Variants in LRRC4C observed in about 807,000 individuals in gnomAD.
The protein encoded by LRRC4C is leucine-rich repeat-containing protein 4C.
LRRC4C carries 5 observed loss-of-function variants against 33.6 expected under a neutral mutation model. The ratio of observed to expected loss-of-function variants is 0.15; its 90% CI spans 0.08 to 0.31. The LOEUF (loss-of-function observed/expected upper bound fraction) is 0.31, where lower values mean the gene tolerates loss of function less well. LRRC4C is among the 10% of genes least tolerant of loss of function. The pLI, the probability that LRRC4C is intolerant of heterozygous loss-of-function variation, is 1.00. For synonymous variants in LRRC4C, 329 were observed against 302.0 expected (o/e 1.09, Z -0.93); for missense variants, 560 against 796.7 (o/e 0.70, Z 3.58).
intron 3 of LRRC4C, among the ~76,000 whole-genome samples, chr11:40,636,580 A>G (rs766400849): frequency 6.6e-6 from 1 of 152,174 alleles, no homozygotes; most frequent in Non-Finnish European, 1.5e-5. Flanking sequence ...GTTCTCATAA[A>G]TATCCCAAAT....
intron 1 of LRRC4C, among the ~76,000 whole-genome samples, chr11:41,053,544 T>C (rs559490443): frequency 6.6e-6 from 1 of 152,196 alleles, no homozygotes; most frequent in Non-Finnish European, 1.5e-5. Context: ...GGAATCCTGA[T>C]GTAGGGAAAC....
At chr11:40,413,575 A>G (rs1465988344) in intron 3 of LRRC4C, among the ~76,000 whole-genome samples, 1 of 152,144 alleles carries the variant, frequency 6.6e-6, no homozygotes, top group Non-Finnish European at 1.5e-5. Flanking sequence ...GGTGCTTCAT[A>G]TATTCTACCT....
chr11:41,379,997 C>A (rs1039940462), intron 1 of LRRC4C, among the ~76,000 whole-genome samples: 2 of 152,004 alleles, frequency 1.3e-5, no homozygotes, highest in Admixed American at 1.3e-4. Flanking sequence ...CACACACACA[C>A]TATTGTCCTC....
At chr11:40,404,121 C>G (rs1565355072) in intron 3 of LRRC4C, among the ~76,000 whole-genome samples, 1 of 152,114 alleles carries the variant, frequency 6.6e-6, no homozygotes, top group Non-Finnish European at 1.5e-5. Flanking sequence ...TCTTTCTGCT[C>G]TTGAATCTGC....
chr11:41,252,992 G>A (rs1282881144), intron 1 of LRRC4C, among the ~76,000 whole-genome samples: 1 of 152,068 alleles, frequency 6.6e-6, no homozygotes, highest in Non-Finnish European at 1.5e-5. Context: ...GACTTGGATG[G>A]GGACACAGCC....
At position 40,179,245 on chromosome 11, in the gene LRRC4C, C is replaced by T. The variant is rs1278941549; in HGVS notation, c.-95-38392G>A. ...ATCTCCAACTCCTGAGCTCAAGGATCCTCCCATCTCAACTTCTCAAATTGC... is the reference window on the plus strand; with the variant it reads ...ATCTCCAACTCCTGAGCTCAAGGATTCTCCCATCTCAACTTCTCAAATTGC... On this transcript the variant is annotated intron_variant, in intron 5 of 6. Transcript: ENST00000528697. Among the ~76,000 whole-genome samples, 5 of 151,994 alleles carry T rather than the reference C, an allele frequency of 3.3e-5. No homozygotes were observed. In the South Asian group the frequency reaches 1.0e-3, roughly 32 times the overall value.
At chr11:40,196,518 C>T (rs1283104027) in intron 5 of LRRC4C, among the ~76,000 whole-genome samples, 3 of 152,184 alleles carry the variant, frequency 2.0e-5, no homozygotes, top group African/African-American at 7.2e-5. Flanking sequence ...AACATTTTCC[C>T]ACCTTTCAAT....
At chr11:40,586,369 T>G in intron 3 of LRRC4C, among the ~76,000 whole-genome samples, 1 of 147,834 alleles carries the variant, frequency 6.8e-6, no homozygotes, top group East Asian at 2.0e-4. Context: ...AGATTCTGGA[T>G]ATTAGCCCTT....
intron 1 of LRRC4C, among the ~76,000 whole-genome samples, chr11:40,937,814 G>T (rs906589278): frequency 2.0e-5 from 3 of 151,864 alleles, no homozygotes; most frequent in Non-Finnish European, 2.9e-5. Context: ...GCTTTTTGTT[G>T]TTGTTGTTGT....
At chr11:41,057,990 C>T (rs952628267) in intron 1 of LRRC4C, among the ~76,000 whole-genome samples, 5 of 152,212 alleles carry the variant, frequency 3.3e-5, no homozygotes, top group African/African-American at 9.6e-5. Context: ...GGCTCCCCTT[C>T]ATCTTGCTCA....
At chr11:40,184,505 C>T (rs578131179) in intron 5 of LRRC4C, among the ~76,000 whole-genome samples, 101 of 152,138 alleles carry the variant, frequency 6.6e-4, no homozygotes, top group Admixed American at 1.6e-3. Context: ...TAAGGAAATA[C>T]CAACAAGTTA....
chr11:40,495,754 A>C (rs1253661949), intron 3 of LRRC4C, among the ~76,000 whole-genome samples: 1 of 150,318 alleles, frequency 6.7e-6, no homozygotes, highest in Non-Finnish European at 1.5e-5. Flanking sequence ...CTAATGGAAA[A>C]TAGTACTGGA....
chr11:40,509,594 C>T (rs901232839), intron 3 of LRRC4C, among the ~76,000 whole-genome samples: 54 of 151,604 alleles, frequency 3.6e-4, no homozygotes, highest in African/African-American at 1.3e-3. Context: ...TTCGGGACTG[C>T]CTTCTTTAGT....
intron 2 of LRRC4C, among the ~76,000 whole-genome samples, chr11:40,752,377 T>C (rs1948734433): frequency 6.6e-6 from 1 of 151,912 alleles, no homozygotes; most frequent in Non-Finnish European, 1.5e-5. Context: ...ATCCAGAATA[T>C]ACAAGGAGCT....
intron 2 of LRRC4C, among the ~76,000 whole-genome samples, chr11:40,706,939 T>C (rs1045955260): frequency 3.3e-4 from 51 of 152,314 alleles, no homozygotes; most frequent in South Asian, 4.1e-4. Flanking sequence ...CCCTTGTAAG[T>C]TGGATTCCTA....
At chr11:40,422,266 T>A (rs752417968) in intron 3 of LRRC4C, among the ~76,000 whole-genome samples, 1 of 152,144 alleles carries the variant, frequency 6.6e-6, no homozygotes, top group Non-Finnish European at 1.5e-5. Flanking sequence ...CCCTACGTAA[T>A]TGAAGAGACA....
Position 40,779,576 on chromosome 11 carries a change from G to T in LRRC4C, c.-406-131298C>A, listed in dbSNP as rs527632159. 3.2e-4 allele frequency among the ~76,000 whole-genome samples: 48 copies of T among 152,170 alleles called. 1 individual carries two copies. In the South Asian group the frequency reaches 9.3e-3, roughly 30 times the overall value. On this transcript the variant is annotated intron_variant, in intron 2 of 6. Transcript: ENST00000528697. ...TTAAAGGCACTATAGCTAATTAAAA[G>T]ACAGTTCAAATATTTCTATTTCTCT...
chr11:40,132,300 T>C (rs1024800239), intron 6 of LRRC4C, among the ~76,000 whole-genome samples: 12 of 152,300 alleles, frequency 7.9e-5, no homozygotes, highest in Non-Finnish European at 1.8e-4. Flanking sequence ...CTTGAGTAAA[T>C]TCCTCAAAAC....
intron 3 of LRRC4C, among the ~76,000 whole-genome samples, chr11:40,517,296 G>T (rs900519168): frequency 3.3e-5 from 5 of 152,132 alleles, no homozygotes; most frequent in African/African-American, 7.2e-5. Context: ...ACAAAAAGAG[G>T]TTCAATCGAT....
Sources: gnomAD v4.1 joint callset for allele counts (sites outside exome capture counted in the v4.1 genomes callset) on GRCh38, gnomAD v4.1.1 for gene constraint, MANE v1.5 for transcripts, NCBI Gene and HGNC (gene_info 2026-07-23, HGNC 2026-07-21) for gene names.